Variants in CSMD1 observed in about 807,000 individuals in gnomAD.
The protein encoded by CSMD1 is CUB and Sushi multiple domains 1.
Under a neutral mutation model 417.5 loss-of-function variants are expected in CSMD1, and 213 were observed. The ratio of observed to expected loss-of-function variants is 0.51; its 90% CI spans 0.46 to 0.57. The LOEUF (loss-of-function observed/expected upper bound fraction) is 0.57. CSMD1 is among the 20% of genes least tolerant of loss of function. CSMD1 has a pLI of 0.00. For missense variants in CSMD1, 6,923 were observed against 4,529.7 expected (o/e 1.53, Z -15.17); for synonymous variants, 2,862 against 1,736.8 (o/e 1.65, Z -16.11).
At chr8:3,949,043 G>C (rs1811429600) in intron 5 of CSMD1, among the ~76,000 whole-genome samples, 1 of 152,096 alleles carries the variant, frequency 6.6e-6, no homozygotes, top group Non-Finnish European at 1.5e-5. Context: ...ATTCATGAGT[G>C]TGATATTACT....
At chr8:3,194,672 G>C (rs1295519315) in intron 33 of CSMD1, among the ~76,000 whole-genome samples, 6 of 149,890 alleles carry the variant, frequency 4.0e-5, no homozygotes, top group Non-Finnish European at 5.9e-5. Flanking sequence ...ATTTCGCCAT[G>C]TTAGCCACGC....
intron 1 of CSMD1, among the ~76,000 whole-genome samples, chr8:4,692,625 G>A (rs77483726): frequency 3.3e-5 from 5 of 152,162 alleles, no homozygotes; most frequent in East Asian, 1.9e-4. Context: ...TGTGGGGTCC[G>A]TGAGGCTGCA....
In CSMD1 at chr8:4,831,669, G is replaced by C. The variant is rs138242717; in HGVS notation, c.85+162663C>G. 1.1e-4 allele frequency among the ~76,000 whole-genome samples: 16 copies of C among 152,190 alleles called. No individual in the cohort carries two copies. In the East Asian group the frequency reaches 3.1e-3, roughly 29 times the overall value. ...ATGGAATGATGATACTCTGATTTTT[G>C]TTCATACTTCAATGAAATGGTCAAT... On this transcript the variant is annotated intron_variant, in intron 1 of 69. Coordinates refer to ENST00000635120, the MANE Select transcript of CSMD1 (RefSeq NM_033225.6).
At chr8:4,944,249 C>G (rs908335672) in intron 1 of CSMD1, among the ~76,000 whole-genome samples, 1 of 152,112 alleles carries the variant, frequency 6.6e-6, no homozygotes, top group Non-Finnish European at 1.5e-5. Context: ...GTAGAGCGAC[C>G]TCAACAGAGC....
intron 2 of CSMD1, among the ~76,000 whole-genome samples, chr8:4,542,404 T>C (rs778167964): frequency 5.3e-5 from 8 of 152,194 alleles, no homozygotes; most frequent in Non-Finnish European, 1.2e-4. Flanking sequence ...AGAATAACCA[T>C]TAAAAATCTC....
At chr8:4,946,776 C>A (rs965234033) in intron 1 of CSMD1, among the ~76,000 whole-genome samples, 1 of 152,122 alleles carries the variant, frequency 6.6e-6, no homozygotes, top group East Asian at 1.9e-4. Context: ...ATGTTACTGG[C>A]TTCACTACAG....
intron 3 of CSMD1, among the ~76,000 whole-genome samples, chr8:4,074,245 C>G (rs1422140576): frequency 1.3e-5 from 2 of 151,688 alleles, no homozygotes; most frequent in Non-Finnish European, 2.9e-5. Context: ...CCAGAGAAAG[C>G]AAAAACAAAT....
intron 3 of CSMD1, among the ~76,000 whole-genome samples, chr8:4,170,803 C>G (rs1477863494): frequency 6.6e-6 from 1 of 151,724 alleles, no homozygotes; most frequent in Admixed American, 6.6e-5. Flanking sequence ...TGGGGATTAC[C>G]TATGTATTCA....
chr8:3,162,692 T>C (rs1819972458), intron 37 of CSMD1, among the ~76,000 whole-genome samples: 1 of 151,382 alleles, frequency 6.6e-6, no homozygotes, highest in Non-Finnish European at 1.5e-5. Context: ...AAATTATGTG[T>C]GAATCTTGGA....
intron 5 of CSMD1, among the ~76,000 whole-genome samples, chr8:3,788,087 G>A (rs1279863873): frequency 6.6e-6 from 1 of 152,152 alleles, no homozygotes; most frequent in African/African-American, 2.4e-5. Context: ...TGTTCTTTGG[G>A]AAGACTTGCA....
At chr8:3,899,925 A>G (rs1807617338) in intron 5 of CSMD1, among the ~76,000 whole-genome samples, 1 of 152,244 alleles carries the variant, frequency 6.6e-6, no homozygotes, top group African/African-American at 2.4e-5. Flanking sequence ...AATGTGTAAA[A>G]TATTTATAAC....
At chr8:4,340,841 T>C (rs975686974) in intron 3 of CSMD1, among the ~76,000 whole-genome samples, 1 of 152,062 alleles carries the variant, frequency 6.6e-6, no homozygotes, top group Admixed American at 6.6e-5. Flanking sequence ...AATTATTTGG[T>C]TGCTAATTAC....
intron 23 of CSMD1, among the ~76,000 whole-genome samples, chr8:3,339,293 C>T (rs1807488537): frequency 6.6e-6 from 1 of 151,970 alleles, no homozygotes; most frequent in Non-Finnish European, 1.5e-5. Context: ...TTTCACAGGC[C>T]CTTCACTTCA....
intron 1 of CSMD1, among the ~76,000 whole-genome samples, chr8:4,865,593 T>G (rs1485213791): frequency 7.2e-5 from 11 of 151,988 alleles, no homozygotes; most frequent in Admixed American, 4.6e-4. Context: ...TTTCCACTGT[T>G]GCATACGCCT....
intron 3 of CSMD1, among the ~76,000 whole-genome samples, chr8:4,265,361 G>C (rs1804175815): frequency 9.0e-6 from 1 of 110,616 alleles, no homozygotes; most frequent in African/African-American, 2.5e-5. Flanking sequence ...TCTCTGCACA[G>C]TATCATTTGA....
chr8:4,736,974 G>A (rs1321062544), intron 1 of CSMD1, among the ~76,000 whole-genome samples: 1 of 152,086 alleles, frequency 6.6e-6, no homozygotes, highest in African/African-American at 2.4e-5. Context: ...ATTCTCTCAT[G>A]GCTGCTTCTT....
intron 2 of CSMD1, among the ~76,000 whole-genome samples, chr8:4,494,435 C>G (rs193251390): frequency 5.3e-5 from 8 of 152,236 alleles, no homozygotes; most frequent in African/African-American, 1.9e-4. Context: ...ATTAGTTTAT[C>G]GCATATATTG....
chr8:3,485,890 G>A (rs972314201), intron 11 of CSMD1, among the ~76,000 whole-genome samples: 2 of 152,084 alleles, frequency 1.3e-5, no homozygotes, highest in Non-Finnish European at 2.9e-5. Flanking sequence ...TCCTGGTTGT[G>A]ACATTTTACT....
chr8:4,108,776 A>T (rs115067053), intron 3 of CSMD1, among the ~76,000 whole-genome samples: 2 of 152,240 alleles, frequency 1.3e-5, no homozygotes, highest in Non-Finnish European at 1.5e-5. Context: ...TAAGATCTGA[A>T]ATATCTTGAT....
Sources: allele counts gnomAD v4.1 joint callset (sites outside exome capture counted in the v4.1 genomes callset), GRCh38; gene constraint gnomAD v4.1.1; transcripts MANE v1.5; gene names NCBI Gene and HGNC (gene_info 2026-07-23, HGNC 2026-07-21).